Variants in DOCK10 observed in about 807,000 individuals in gnomAD.
DOCK10 encodes dedicator of cytokinesis 10.
In DOCK10, 145 loss-of-function variants were observed where a neutral mutation model predicts 280.1. The ratio of observed to expected loss-of-function variants is 0.52; its 90% CI spans 0.45 to 0.59. DOCK10 has a LOEUF of 0.59. Ranked by LOEUF, DOCK10 falls within the 20% of genes least tolerant of loss-of-function variation. The probability of loss-of-function intolerance (pLI) is 0.00; values close to 1 mark genes in which losing one functional copy is unlikely to be tolerated. For missense variants in DOCK10, 2,368 were observed against 2,651.7 expected, an observed-to-expected ratio of 0.89 and a Z score of 2.35; for synonymous variants, 915 against 942.2, an observed-to-expected ratio of 0.97 and a Z score of 0.53.
At chr2:224,813,056 A>C (rs1230934561) in intron 31 of DOCK10, among the ~76,000 whole-genome samples, 1 of 152,184 alleles carries the variant, frequency 6.6e-6, no homozygotes, top group Non-Finnish European at 1.5e-5. Flanking sequence ...GTACATTTGA[A>C]ATCTATTAAG....
At chr2:225,031,483 A>G (rs1044812801) in intron 1 of DOCK10, among the ~76,000 whole-genome samples, 1 of 152,150 alleles carries the variant, frequency 6.6e-6, no homozygotes, top group Non-Finnish European at 1.5e-5. Context: ...TAGTCTTGAG[A>G]CCCTCTGAAA....
chr2:224,856,760 G>A (rs1697172470), intron 15 of DOCK10, 100 bp downstream of exon 15: 1 of 1,143,324 alleles, frequency 8.7e-7, no homozygotes, highest in Non-Finnish European at 1.2e-6. Flanking sequence ...GCTTTCTGGA[G>A]GTTTGGGTGT....
rs573466489 is a variant in DOCK10, at chr2:224,929,550, C to T, written c.243+1999G>A. On this transcript the variant is annotated intron_variant, in intron 2 of 55. Transcript: ENST00000258390. ...TCTCGAAGCAGGCATTGGGTCATGC[C>T]GAGGTGATTGCACTTCATTTTGAAG... Among the ~76,000 whole-genome samples, 55 of 152,166 alleles carry T rather than the reference C, an allele frequency of 3.6e-4. 1 individual carries two copies. The highest frequency in any genetic ancestry group is 1.0e-3 in the South Asian group (5 of 4,822).
intron 1 of DOCK10, among the ~76,000 whole-genome samples, chr2:224,959,698 T>C (rs1704254793): frequency 6.6e-6 from 1 of 152,236 alleles, no homozygotes; most frequent in Non-Finnish European, 1.5e-5. Context: ...AATTTATTGA[T>C]AATATCTTGC....
At chr2:224,940,935 C>A (rs1346002863) in intron 1 of DOCK10, among the ~76,000 whole-genome samples, 1 of 152,126 alleles carries the variant, frequency 6.6e-6, no homozygotes, top group African/African-American at 2.4e-5. Flanking sequence ...TTTCATCTTA[C>A]AAGTCACATT....
intron 3 of DOCK10, among the ~76,000 whole-genome samples, chr2:224,901,759 C>T (rs1320751711): frequency 6.6e-6 from 1 of 152,218 alleles, no homozygotes; most frequent in Non-Finnish European, 1.5e-5. Flanking sequence ...TGCTACTTCA[C>T]CAGGTAGATT....
chr2:225,014,081 A>ATATATATATATATATATTTTTTTT (rs776104946), intron 1 of DOCK10, among the ~76,000 whole-genome samples: 1 of 96,800 alleles, frequency 1.0e-5, no homozygotes, highest in African/African-American at 4.7e-5. Context: ...GTCTGAATAT[A>ATATATATATATATATATTTTTTTT]TTGTTTTTTT....
At chr2:224,838,181 T>A (rs1468396255) in intron 24 of DOCK10, among the ~76,000 whole-genome samples, 1 of 152,238 alleles carries the variant, frequency 6.6e-6, no homozygotes, top group South Asian at 2.1e-4. Flanking sequence ...AAAGGGATTA[T>A]TTTTAGTGCC....
At chr2:225,020,845 C>T (rs1689765738) in intron 1 of DOCK10, among the ~76,000 whole-genome samples, 1 of 152,212 alleles carries the variant, frequency 6.6e-6, no homozygotes, top group South Asian at 2.1e-4. Context: ...CACATGCCCT[C>T]TCTTACTTCT....
chr2:224,818,003 C>T (rs1694248202), intron 29 of DOCK10, among the ~76,000 whole-genome samples: 2 of 152,184 alleles, frequency 1.3e-5, no homozygotes, highest in South Asian at 2.1e-4. Flanking sequence ...GTCTTCTCTC[C>T]TTAAGAGGCA....
chr2:224,830,081 C>A (rs542456022), intron 27 of DOCK10, among the ~76,000 whole-genome samples: 1 of 152,208 alleles, frequency 6.6e-6, no homozygotes, highest in African/African-American at 2.4e-5. Context: ...ACCCTCCCCC[C>A]AGGCTGCTCC....
At position 224,805,295 on chromosome 2, in the gene DOCK10, C is replaced by A. The variant is rs1380528187; in HGVS notation, c.3962G>T (p.Gly1321Val). The A allele has an allele frequency of 6.2e-7, 1 of 1,612,876 alleles. No homozygotes were observed. Among genetic ancestry groups the A allele is most frequent in the African/African-American group, 1.3e-5 (1 of 74,800 alleles). ...EKIPRPLSLI[G>V]STLRFDKLDQ... ...TAACTTGTCAAATCGAAGAGTTGAG[C>A]CAATCAAAGACAAGGGTCTTGGGAT... The change falls in exon 36 of 56, where the codon GGC (glycine) becomes GTC (valine). Residue 1321 changes from glycine to valine, a missense_variant. Coordinates refer to ENST00000258390, the MANE Select transcript of DOCK10 (RefSeq NM_014689.3). This position sits in a 1 kb window ranked among gnomAD's most constrained non-coding sequence, Gnocchi z 4.3.
chr2:224,895,847 A>G (rs1003215531), intron 4 of DOCK10, among the ~76,000 whole-genome samples: 1 of 136,562 alleles, frequency 7.3e-6, no homozygotes, highest in Non-Finnish European at 1.5e-5. Context: ...GTGTGTATAT[A>G]TATATATATA....
At chr2:224,852,248 G>A (rs1042575415) in intron 18 of DOCK10, 129 bp downstream of exon 18, 1 of 683,648 alleles carries the variant, frequency 1.5e-6, no homozygotes, top group Non-Finnish European at 2.5e-6. Context: ...GTATGTTTCA[G>A]ATCTAAAACA....
Position 225,005,707 on chromosome 2 carries a change from C to G in DOCK10, c.123+36545G>C, listed in dbSNP as rs147448332. Among the ~76,000 whole-genome samples, 508 of 152,298 alleles carry G rather than the reference C, an allele frequency of 3.3e-3. 7 individuals carry two copies. Among genetic ancestry groups the G allele is most frequent in the African/African-American group, 0.011 (475 of 41,566 alleles). ...TGTTGTCTACCAAAGTTTCTAAGCC[C>G]AAGCCCACTCGGTCTTTGTGTGAAG... On this transcript the variant is annotated intron_variant, in intron 1 of 55. Transcript: ENST00000258390.
chr2:224,862,480 C>T, intron 14 of DOCK10, 184 bp downstream of exon 14: 1 of 568,816 alleles, frequency 1.8e-6, no homozygotes, highest in Non-Finnish European at 3.2e-6. Context: ...AACTGTATTG[C>T]TAAACTGTCT....
intron 1 of DOCK10, among the ~76,000 whole-genome samples, chr2:224,938,532 A>T (rs1702829973): frequency 6.6e-6 from 1 of 152,180 alleles, no homozygotes; most frequent in Admixed American, 6.5e-5. Flanking sequence ...ACCCTCCAAA[A>T]ATTCCAATCT....
chr2:224,783,401 A>G (rs574493194), intron 50 of DOCK10, among the ~76,000 whole-genome samples: 1 of 151,694 alleles, frequency 6.6e-6, no homozygotes, highest in South Asian at 2.1e-4. Context: ...CAGCCTCCCG[A>G]GTAGCTGGGA....
intron 51 of DOCK10, among the ~76,000 whole-genome samples, chr2:224,776,633 A>G (rs928399210): frequency 2.3e-5 from 3 of 131,386 alleles, no homozygotes; most frequent in African/African-American, 5.8e-5. Context: ...AAGAGGACAG[A>G]AAAAAAAAAA....
Sources: allele counts gnomAD v4.1 joint callset (sites outside exome capture counted in the v4.1 genomes callset), GRCh38; gene constraint gnomAD v4.1.1; non-coding constraint Gnocchi (gnomAD v3.1); transcripts MANE v1.5; gene names NCBI Gene and HGNC (gene_info 2026-07-23, HGNC 2026-07-21).